Variants in FAM53A observed in about 807,000 individuals in gnomAD.
FAM53A encodes the protein protein FAM53A.
A neutral mutation model predicts 26.6 loss-of-function variants in FAM53A; 28 were observed. The observed-to-expected ratio is 1.05, with a 90% CI of 0.78 to 1.45. FAM53A has a LOEUF of 1.45. Ranked by LOEUF, FAM53A falls within the 40% of genes most tolerant of loss-of-function variation. FAM53A has a pLI of 0.00. For synonymous variants in FAM53A, 290 were observed against 253.1 expected (o/e 1.15, Z -1.38); for missense variants, 650 against 575.8 (o/e 1.13, Z -1.32).
At chr4:1,580,433 G>A in the FAM53A span, among the ~76,000 whole-genome samples, 2 of 152,176 alleles carry the variant, frequency 1.3e-5, no homozygotes, top group Admixed American at 1.3e-4. Flanking sequence ...TGAGATCTAA[G>A]GCTGGGGCAG....
intron 2 of FAM53A, among the ~76,000 whole-genome samples, chr4:1,666,882 G>A (rs940729415): frequency 2.0e-5 from 3 of 151,904 alleles, no homozygotes; most frequent in Non-Finnish European, 4.4e-5. Flanking sequence ...GTAATCCCAG[G>A]ACTTTGGGAG....
chr4:1,626,019 A>G (rs1715282843), intron 1 of FAM53A, among the ~76,000 whole-genome samples: 1 of 152,144 alleles, frequency 6.6e-6, no homozygotes, highest in Non-Finnish European at 1.5e-5. Context: ...GAGGCGGCCC[A>G]GCATGTTTTT....
In FAM53A at chr4:1,659,803, G is replaced by T. The variant is rs1713693864; in HGVS notation, c.76-2335C>A. ...AGACGGCTCTTCCGGTTGTATCTAT[G>T]CATGGTCGAAGGGGCTGGCTTCCTC... On this transcript the variant is annotated intron_variant, in intron 2 of 4. Transcript: ENST00000308132. The surrounding 1 kb of genome is among the most constrained non-coding windows in gnomAD (Gnocchi z 5.2). Among the ~76,000 whole-genome samples the T allele has an allele frequency of 6.6e-6, 1 of 152,202 alleles. No homozygotes were observed. The highest frequency in any genetic ancestry group is 6.5e-5 in the Admixed American group (1 of 15,280).
At chr4:1,586,627 T>A in the FAM53A span, among the ~76,000 whole-genome samples, 1 of 151,190 alleles carries the variant, frequency 6.6e-6, no homozygotes, top group Non-Finnish European at 1.5e-5. Flanking sequence ...AATATATATA[T>A]AAAAAATTAG....
intron 2 of FAM53A, among the ~76,000 whole-genome samples, chr4:1,666,510 G>T (rs2108987280): frequency 6.6e-6 from 1 of 152,368 alleles, no homozygotes; most frequent in South Asian, 2.1e-4. Context: ...CCCCACACCA[G>T]GACATCCGTC....
intron 4 of FAM53A, among the ~76,000 whole-genome samples, chr4:1,649,200 A>AGGGGAAG (rs1712531180): frequency 1.0e-5 from 1 of 95,904 alleles, no homozygotes; most frequent in African/African-American, 3.6e-5. Context: ...GGAAGGGGAA[A>AGGGGAAG]GGGAAAGGGA....
At chr4:1,652,951 CCACA>C (rs890301090) in intron 4 of FAM53A, among the ~76,000 whole-genome samples, 2 of 150,248 alleles carry the variant, frequency 1.3e-5, no homozygotes, top group Non-Finnish European at 3.0e-5. Flanking sequence ...CACACACATA[CCACA>C]CAGACCACGC....
chr4:1,574,873 C>G, the FAM53A span, among the ~76,000 whole-genome samples: 9 of 152,328 alleles, frequency 5.9e-5, no homozygotes, highest in South Asian at 1.9e-3. Context: ...ACCGGCTGCC[C>G]GAACCCCTCG....
downstream of FAM53A, among the ~76,000 whole-genome samples, chr4:1,635,748 A>G (rs1382114488): frequency 1.3e-5 from 2 of 149,858 alleles, no homozygotes; most frequent in African/African-American, 4.9e-5. Flanking sequence ...CATCAAGTGC[A>G]TTTTTGGAAT....
chr4:1,621,181 C>T (rs1412110291), intron 1 of FAM53A, among the ~76,000 whole-genome samples: 1 of 145,008 alleles, frequency 6.9e-6, no homozygotes, highest in Non-Finnish European at 1.5e-5. Context: ...CGGCTCACTA[C>T]AGGCTCCGCC....
intron 1 of FAM53A, among the ~76,000 whole-genome samples, chr4:1,671,569 A>G (rs57924880): frequency 0.61 from 1,735 of 2,862 alleles, 768 homozygotes; most frequent in African/African-American, 0.76. Context: ...CCACAGCCAC[A>G]GCCGGGACTC....
At position 1,677,195 on chromosome 4, in the gene FAM53A, C is replaced by T. The variant is rs567436506; in HGVS notation, c.-165+7038G>A. ...ACTCCCAGGATGCCTGCTCAGCTTT[C>T]AGGGTCTTCTCTCGCCCCAACTTTA... is the stretch of plus-strand genomic sequence containing the variant. On this transcript the variant is annotated intron_variant, in intron 1 of 4. Coordinates refer to ENST00000308132, the MANE Select transcript of FAM53A (RefSeq NM_001174070.3). 9.2e-5 allele frequency among the ~76,000 whole-genome samples: 14 copies of T among 152,332 alleles called. No homozygotes were observed. In the South Asian group the frequency reaches 2.9e-3, roughly 32 times the overall value.
At chr4:1,629,203 C>T (rs1258362649) in intron 1 of FAM53A, among the ~76,000 whole-genome samples, 1 of 152,056 alleles carries the variant, frequency 6.6e-6, no homozygotes, top group Non-Finnish European at 1.5e-5. Context: ...GAGCCCCATC[C>T]CCACCGCACC....
chr4:1,633,313 T>G (rs993446722), intron 1 of FAM53A, among the ~76,000 whole-genome samples: 1 of 152,240 alleles, frequency 6.6e-6, no homozygotes, highest in African/African-American at 2.4e-5. Context: ...GCCAGATGAT[T>G]TGAAAGTTTA....
chr4:1,680,852 A>G (rs1715387311), intron 1 of FAM53A, among the ~76,000 whole-genome samples: 1 of 152,112 alleles, frequency 6.6e-6, no homozygotes, highest in South Asian at 2.1e-4. Context: ...GAGGCAGGGC[A>G]CAGATTTTTA....
At chr4:1,613,909 C>G (rs1441426090), downstream of FAM53A, among the ~76,000 whole-genome samples, 1 of 152,172 alleles carries the variant, frequency 6.6e-6, no homozygotes, top group African/African-American at 2.4e-5. Flanking sequence ...TCAGGTCCCA[C>G]GCAAAGAGGG....
chr4:1,596,473 G>A, the FAM53A span, among the ~76,000 whole-genome samples: 20 of 116,468 alleles, frequency 1.7e-4, no homozygotes, highest in East Asian at 2.2e-3. Context: ...TGGCTACACC[G>A]TCCAGATGTG....
chr4:1,671,406 G>A (rs963548042), intron 1 of FAM53A, among the ~76,000 whole-genome samples: 1 of 55,166 alleles, frequency 1.8e-5, no homozygotes, highest in African/African-American at 6.8e-5. Flanking sequence ...GCCACGGCCC[G>A]GACTCACCTC....
chr4:1,576,943 C>A, the FAM53A span, among the ~76,000 whole-genome samples: 1 of 152,186 alleles, frequency 6.6e-6, no homozygotes, highest in Non-Finnish European at 1.5e-5. Flanking sequence ...TAGTTGGTCT[C>A]CTCTCTGCCT....
Sources: allele counts gnomAD v4.1 joint callset (sites outside exome capture counted in the v4.1 genomes callset), GRCh38; gene constraint gnomAD v4.1.1; non-coding constraint Gnocchi (gnomAD v3.1); transcripts MANE v1.5; gene names NCBI Gene and HGNC (gene_info 2026-07-23, HGNC 2026-07-21).